CPT2: variants seen among roughly 807,000 people sequenced by gnomAD.
CPT2 encodes the protein carnitine O-palmitoyltransferase 2, mitochondrial.
CPT2 carries 37 observed loss-of-function variants against 48.6 expected under a neutral mutation model. The ratio of observed to expected loss-of-function variants is 0.76; its 90% CI spans 0.59 to 1.00. The LOEUF (loss-of-function observed/expected upper bound fraction) is 1.00. Ranked by LOEUF, CPT2 falls within the 50% of genes least tolerant of loss-of-function variation. CPT2 has a pLI of 0.00. For missense variants in CPT2, 772 were observed against 825.6 expected (o/e 0.94, Z 0.80); for synonymous variants, 319 against 326.9 (o/e 0.98, Z 0.26).
At chr1:53,202,295 T>G (rs1645358350) in intron 2 of CPT2, 28 bp from the exon 3 acceptor site, 1 of 1,575,272 alleles carries the variant, frequency 6.3e-7, no homozygotes, top group African/African-American at 1.3e-5. Context: ...TACCATGGTT[T>G]GATTTTGTCT....
chr1:53,209,853 G>C, intron 3 of CPT2, 162 bp from the exon 4 acceptor site: 1 of 646,848 alleles, frequency 1.5e-6, no homozygotes, highest in East Asian at 2.7e-5. Context: ...GACCCCATTT[G>C]TATGTCTTGA....
At position 53,200,808 on chromosome 1, in the gene CPT2, T is replaced by C. The variant is rs767141404; in HGVS notation, c.233+9T>C. The C allele has an allele frequency of 1.2e-6, 2 of 1,606,746 alleles. No individual in the cohort carries two copies. Among genetic ancestry groups the C allele is most frequent in the Non-Finnish European group, 1.7e-6 (2 of 1,173,308 alleles). ...AATGATGGCCAGTTCAGGTAAACAC[T>C]GAGAACCTTGGGTGAGCATAGTTGG... On this transcript the variant is annotated intron_variant, in intron 2 of 4. Coordinates refer to ENST00000371486, the MANE Select transcript of CPT2 (RefSeq NM_000098.3).
At chr1:53,197,457 T>A (rs1645330612) in intron 1 of CPT2, 2 of 362,594 alleles carry the variant, frequency 5.5e-6, no homozygotes, top group South Asian at 2.3e-5. Flanking sequence ...TCGACTATGG[T>A]GTCTCCTGAA....
chr1:53,197,229 C>T, intron 1 of CPT2, 134 bp downstream of exon 1: 3 of 1,108,114 alleles, frequency 2.7e-6, no homozygotes, highest in South Asian at 2.7e-5. Context: ...TGCCACAGCC[C>T]CTAATCTGGA....
chr1:53,200,510 A>G (rs1645347863), intron 1 of CPT2: 2 of 520,784 alleles, frequency 3.8e-6, no homozygotes, highest in Non-Finnish European at 6.9e-6. Context: ...TATTTTACTT[A>G]AAGATTTAGT....
At chr1:53,203,777 TTTTC>T (rs946518717) in intron 3 of CPT2, 5 of 70,338 alleles carry the variant, frequency 7.1e-5, no homozygotes, top group South Asian at 7.1e-4. Flanking sequence ...GGCTTTTTCT[TTTTC>T]TTTTTTTTTT....
At chr1:53,201,009 G>C in intron 2 of CPT2, 1 of 607,678 alleles carries the variant, frequency 1.6e-6, no homozygotes, top group African/African-American at 1.8e-5. Context: ...GGCTCAACAG[G>C]AGATAGTTTA....
At chr1:53,197,656 C>T (rs769056187) in intron 1 of CPT2, 1 of 196,346 alleles carries the variant, frequency 5.1e-6, no homozygotes, top group Admixed American at 5.6e-5. Context: ...AAGCACAGCC[C>T]TGAAGTGTTC....
chr1:53,206,268 G>T (rs1164410031), intron 3 of CPT2, among the ~76,000 whole-genome samples: 1 of 152,010 alleles, frequency 6.6e-6, no homozygotes, highest in Non-Finnish European at 1.5e-5. Flanking sequence ...GCAGAAGTCT[G>T]CTGCAGGGGT....
intron 2 of CPT2, chr1:53,201,277 A>G: frequency 4.4e-6 from 1 of 227,234 alleles, no homozygotes; most frequent in East Asian, 9.9e-5. Flanking sequence ...AGTTAAGATG[A>G]GGTCCTACTG....
At position 53,211,435 on chromosome 1, in the gene CPT2, G is replaced by A. The variant is rs749992903; in HGVS notation, c.1645+116G>A. 19 of 1,093,806 alleles carry A rather than the reference G, an allele frequency of 1.7e-5. No homozygotes were observed. In the Admixed American group the frequency reaches 3.0e-4, roughly 17 times the overall value. 67.8% of individuals were successfully genotyped at this position (1,093,806 alleles called of 1,614,324 possible). A position where few individuals can be genotyped will look rare whatever the true frequency, so the allele number is the denominator to read the frequency against. The stretch of plus-strand genomic sequence containing the variant: ...ACCCGTTCACTAGGTTTAATCCATC[G>A]CCAACTCCCCAAATTTTTCTTTTCT... On this transcript the variant is annotated intron_variant, in intron 4 of 4. Coordinates refer to ENST00000371486, the MANE Select transcript of CPT2 (RefSeq NM_000098.3).
At chr1:53,205,949 A>G (rs561660017) in intron 3 of CPT2, among the ~76,000 whole-genome samples, 1 of 152,284 alleles carries the variant, frequency 6.6e-6, no homozygotes, top group East Asian at 1.9e-4. Flanking sequence ...TTGGGAGGCC[A>G]AGGCGGGTGG....
At chr1:53,206,114 C>T (rs1292278427) in intron 3 of CPT2, among the ~76,000 whole-genome samples, 1 of 144,866 alleles carries the variant, frequency 6.9e-6, no homozygotes, top group Non-Finnish European at 1.5e-5. Context: ...ACCCAGGAGG[C>T]AGAGCTTGCA....
At position 53,202,312 on chromosome 1, in the gene CPT2, G is replaced by A. The variant is rs1395733909; in HGVS notation, c.234-11G>A. On this transcript the variant is annotated splice_polypyrimidine_tract_variant and intron_variant, in intron 2 of 4. Transcript: ENST00000371486. ...CCATGGTTTGATTTTGTCTTTTCTTGAATGTTTTAGGAAAACAGAACAATT... is the reference window on the plus strand; with the variant it reads ...CCATGGTTTGATTTTGTCTTTTCTTAAATGTTTTAGGAAAACAGAACAATT... 1 of 1,602,162 alleles carries A rather than the reference G, an allele frequency of 6.2e-7. No individual in the cohort carries two copies. Among genetic ancestry groups the A allele is most frequent in the Non-Finnish European group, 8.6e-7 (1 of 1,169,140 alleles).
Position 53,210,322 on chromosome 1 carries a change from G to A in CPT2, c.648G>A (p.Gln216=), listed in dbSNP as rs1645414108. The change falls in exon 4 of 5, where the codon CAG becomes CAA. Residue 216 remains glutamine (Q), a synonymous_variant. Coordinates refer to ENST00000371486, the MANE Select transcript of CPT2 (RefSeq NM_000098.3). ...ATGCGTATCCCCTGGATATGTCCCA[G>A]TATTTTCGGCTTTTCAACTCAACTC... ...LVNAYPLDMS[Q]YFRLFNSTRL... is the part of the protein sequence containing the mutation. 6.2e-7 allele frequency: 1 copy of A among 1,614,160 alleles called. No homozygotes were observed. Among genetic ancestry groups the A allele is most frequent in the Non-Finnish European group, 8.5e-7 (1 of 1,180,034 alleles).
In CPT2 at chr1:53,196,902, T is replaced by TC. The variant is rs1210213143; in HGVS notation, c.-38dup. Reference sequence around the variant, plus strand: ...CGGCCTTGTGTTTAGACTCCAGAACTCCCCACTTGCCGCGTTCTCGCCGCC... The same window carrying TC: ...CGGCCTTGTGTTTAGACTCCAGAACTCCCCCACTTGCCGCGTTCTCGCCGCC... On this transcript the variant is annotated 5_prime_UTR_variant, in exon 1 of 5. Coordinates refer to ENST00000371486, the MANE Select transcript of CPT2 (RefSeq NM_000098.3). 6.5e-7 allele frequency: 1 copy of TC among 1,533,324 alleles called. No homozygotes were observed. The highest frequency in any genetic ancestry group is 8.7e-7 in the Non-Finnish European group (1 of 1,147,692). The allele number at this position is 1,533,324 out of a possible 1,614,324, so 95.0% of individuals were successfully genotyped here.
chr1:53,211,694 G>T, intron 4 of CPT2: 2 of 281,538 alleles, frequency 7.1e-6, no homozygotes, highest in South Asian at 1.3e-4. Context: ...CCACCCCCAG[G>T]TTCAAGTGAT....
intron 3 of CPT2, among the ~76,000 whole-genome samples, chr1:53,205,017 G>A (rs1379140568): frequency 6.6e-6 from 1 of 152,200 alleles, no homozygotes; most frequent in Non-Finnish European, 1.5e-5. Flanking sequence ...ACTGGTACCA[G>A]GAGGGGGGCA....
chr1:53,213,292 T>C lies in CPT2; in HGVS notation c.1674T>C (p.Ala558=). The C allele has an allele frequency of 6.2e-7, 1 of 1,614,224 alleles. No individual in the cohort carries two copies. Among genetic ancestry groups the C allele is most frequent in the Non-Finnish European group, 8.5e-7 (1 of 1,180,040 alleles). Reference sequence around the variant, plus strand: ...AGGGCTTTGACCGACACTTGTTTGCTCTGCGGCATCTGGCAGCAGCCAAAG... The same window carrying C: ...AGGGCTTTGACCGACACTTGTTTGCCCTGCGGCATCTGGCAGCAGCCAAAG... ...MGQGFDRHLF[A]LRHLAAAKGI... is the part of the protein sequence containing the mutation. Residue 558 remains alanine, a synonymous_variant, in exon 5 of 5, where the codon GCT becomes GCC. Coordinates refer to ENST00000371486, the MANE Select transcript of CPT2 (RefSeq NM_000098.3).
Sources: gnomAD v4.1 joint callset for allele counts (sites outside exome capture counted in the v4.1 genomes callset) on GRCh38, gnomAD v4.1.1 for gene constraint, MANE v1.5 for transcripts, NCBI Gene and HGNC (gene_info 2026-07-23, HGNC 2026-07-21) for gene names.